EFCAB6: variants seen among roughly 807,000 people sequenced by gnomAD.
EFCAB6 encodes EF-hand calcium binding domain 6.
A neutral mutation model predicts 169.8 loss-of-function variants in EFCAB6; 156 were observed. That is an observed-to-expected ratio of 0.92 (90% confidence interval 0.81 to 1.05). The LOEUF is 1.05. Among genes scored for constraint, EFCAB6 ranks in the 50% least tolerant of loss-of-function variants. The probability of loss-of-function intolerance (pLI) is 0.00; values close to 1 mark genes in which losing one functional copy is unlikely to be tolerated. For missense variants in EFCAB6, 1,800 were observed against 1,829.1 expected, an observed-to-expected ratio of 0.98 and a Z score of 0.29; for synonymous variants, 698 against 676.4, an observed-to-expected ratio of 1.03 and a Z score of -0.50.
intron 23 of EFCAB6, among the ~76,000 whole-genome samples, chr22:43,591,382 G>A (rs2051537231): frequency 6.6e-6 from 1 of 151,160 alleles, no homozygotes; most frequent in African/African-American, 2.4e-5. Context: ...GCTTCAACCC[G>A]GGAGGCAGAG....
At chr22:43,774,821 C>T (rs1255895538) in intron 3 of EFCAB6, among the ~76,000 whole-genome samples, 32 of 151,636 alleles carry the variant, frequency 2.1e-4, no homozygotes, top group Admixed American at 1.9e-3. Flanking sequence ...AGAGCTGCAT[C>T]GGCCAAGAGA....
In EFCAB6 at chr22:43,795,041, A is replaced by G. The variant is rs13056389; in HGVS notation, c.-7-12716T>C. On this transcript the variant is annotated intron_variant, in intron 2 of 31. Coordinates refer to ENST00000262726, the MANE Select transcript of EFCAB6 (RefSeq NM_022785.4). The surrounding 1 kb of genome is among the most constrained non-coding windows in gnomAD (Gnocchi z 4.2). ...CCAAGGAGCTCCCCAGGCCCTGTACAGCCCCTTGCCCTGCCCGAACCTCAT... is the reference window on the plus strand; with the variant it reads ...CCAAGGAGCTCCCCAGGCCCTGTACGGCCCCTTGCCCTGCCCGAACCTCAT... Among the ~76,000 whole-genome samples, 15,452 of 152,212 alleles carry G rather than the reference A, an allele frequency of 0.1. 1,020 individuals carry two copies. The highest frequency in any genetic ancestry group is 0.14 in the Non-Finnish European group (9,676 of 67,980).
intron 8 of EFCAB6, among the ~76,000 whole-genome samples, chr22:43,730,522 T>C (rs2059910770): frequency 6.6e-6 from 1 of 152,004 alleles, no homozygotes; most frequent in African/African-American, 2.4e-5. Flanking sequence ...TTTAAATTTC[T>C]ATTCTTCTGA....
At chr22:43,612,642 A>G (rs2053395325) in intron 21 of EFCAB6, among the ~76,000 whole-genome samples, 1 of 152,230 alleles carries the variant, frequency 6.6e-6, no homozygotes, top group Admixed American at 6.5e-5. Flanking sequence ...CTGTAATTCC[A>G]GCACTTTGGG....
At chr22:43,776,165 G>A (rs1214994922) in intron 3 of EFCAB6, among the ~76,000 whole-genome samples, 1 of 152,236 alleles carries the variant, frequency 6.6e-6, no homozygotes, top group Admixed American at 6.5e-5. Context: ...CTGGAGATAA[G>A]AGAGGCTGGA....
At chr22:43,717,932 C>A (rs1351458105) in intron 8 of EFCAB6, among the ~76,000 whole-genome samples, 1 of 152,110 alleles carries the variant, frequency 6.6e-6, no homozygotes, top group African/African-American at 2.4e-5. Flanking sequence ...AACAAAGATA[C>A]GTGTCTAAAT....
At chr22:43,535,652 T>C (rs929540853) in intron 29 of EFCAB6, 3 of 152,374 alleles carry the variant, frequency 2.0e-5, no homozygotes, top group Admixed American at 2.0e-4. Flanking sequence ...AGGAGGCTTA[T>C]GTAAGATAAG....
intron 31 of EFCAB6, chr22:43,530,516 G>A (rs193247296): frequency 2.5e-5 from 25 of 985,286 alleles, no homozygotes; most frequent in Non-Finnish European, 2.9e-5. Context: ...AGCAGCAGCA[G>A]TGATGGCAGT....
At chr22:43,791,594 T>C (rs1461955804) in intron 2 of EFCAB6, among the ~76,000 whole-genome samples, 1 of 151,814 alleles carries the variant, frequency 6.6e-6, no homozygotes, top group East Asian at 1.9e-4. Flanking sequence ...GAATAAGTTC[T>C]AAGGAGGAGG....
intron 10 of EFCAB6, among the ~76,000 whole-genome samples, chr22:43,698,927 C>T (rs2058672720): frequency 6.6e-6 from 1 of 152,124 alleles, no homozygotes; most frequent in Non-Finnish European, 1.5e-5. Flanking sequence ...CCCTCCATTG[C>T]CTTATACAAA....
intron 8 of EFCAB6, among the ~76,000 whole-genome samples, chr22:43,727,845 C>A (rs1275930229): frequency 6.6e-6 from 1 of 151,440 alleles, no homozygotes; most frequent in African/African-American, 2.4e-5. Context: ...ACAAGCATGG[C>A]TCGTACATCC....
In EFCAB6 at chr22:43,597,556, T is replaced by C. The variant is rs115201105; in HGVS notation, c.2876+2513A>G. Reference sequence around the variant, plus strand: ...AAAACCACAATGAGATATCATCTCATCCCAGTTAGAATAGCCATCATCAAA... The same window carrying C: ...AAAACCACAATGAGATATCATCTCACCCCAGTTAGAATAGCCATCATCAAA... On this transcript the variant is annotated intron_variant, in intron 23 of 31. Transcript: ENST00000262726. Among the ~76,000 whole-genome samples the C allele has an allele frequency of 2.1e-3, 322 of 152,186 alleles. 1 individual carries two copies. Among genetic ancestry groups the C allele is most frequent in the African/African-American group, 7.5e-3 (310 of 41,536 alleles).
At chr22:43,720,986 C>A (rs1307313511) in intron 8 of EFCAB6, among the ~76,000 whole-genome samples, 1 of 152,182 alleles carries the variant, frequency 6.6e-6, no homozygotes, top group Non-Finnish European at 1.5e-5. Flanking sequence ...CCTACAGACT[C>A]TGCCAAAAGG....
chr22:43,648,510 G>A (rs887972950), intron 17 of EFCAB6, among the ~76,000 whole-genome samples: 16 of 152,140 alleles, frequency 1.1e-4, no homozygotes, highest in African/African-American at 3.9e-4. Flanking sequence ...TAAGCATTGA[G>A]TACACAGACA....
rs761169520 is a variant in EFCAB6 at position 43,687,525 on chromosome 22, T to C, written c.1088A>G (p.His363Arg). The C allele has an allele frequency of 2.5e-6, 4 of 1,605,670 alleles. No homozygotes were observed. Among genetic ancestry groups the C allele is most frequent in the Non-Finnish European group, 3.4e-6 (4 of 1,176,880 alleles). Residue 363 changes from histidine (H) to arginine (R), a missense_variant, in exon 11 of 32, where the codon CAT becomes CGT. His to Arg is a conservative substitution (Grantham distance 29, BLOSUM62 0). Coordinates refer to ENST00000262726, the MANE Select transcript of EFCAB6 (RefSeq NM_022785.4). ...INWKQFLTSF[H>R]EPQGLQVSSK... ...GCTAACTTGCAACCCCTGAGGCTCA[T>C]GAAATGATGTTAGAAATTGCTTCCA...
chr22:43,754,691 G>C lies in EFCAB6; in HGVS notation c.507+1075C>G, dbSNP rs529590884. ...TGGGCCATTTACAATCCTGGCCTTT[G>C]TCTGCATCTCCACACTCAAGGTCAT... On this transcript the variant is annotated intron_variant, in intron 6 of 31. Coordinates refer to ENST00000262726, the MANE Select transcript of EFCAB6 (RefSeq NM_022785.4). Among the ~76,000 whole-genome samples, 127 of 152,224 alleles carry C rather than the reference G, an allele frequency of 8.3e-4. 1 individual carries two copies. Among genetic ancestry groups the C allele is most frequent in the African/African-American group, 2.4e-3 (98 of 41,524 alleles).
rs780658904 is a variant in EFCAB6 at position 43,632,132 on chromosome 22, G to A, written c.2205C>T (p.Phe735=). 7.4e-6 allele frequency: 12 copies of A among 1,614,026 alleles called. No homozygotes were observed. Among genetic ancestry groups the A allele is most frequent in the Non-Finnish European group, 1.0e-5 (12 of 1,180,026 alleles). ...FITAEECLKL[F]PRRLKESFRD... ...GGAATGACTCCTTCAGCCTCCTAGG[G>A]AAAAGCTTCAGGCATTCTTCTGCGG... Residue 735 remains phenylalanine (F), a synonymous_variant, in exon 19 of 32, where the codon TTC becomes TTT. Transcript: ENST00000262726.
At chr22:43,791,740 A>G (rs2052447839) in intron 2 of EFCAB6, among the ~76,000 whole-genome samples, 1 of 152,128 alleles carries the variant, frequency 6.6e-6, no homozygotes, top group Non-Finnish European at 1.5e-5. Context: ...TTCCTGAACA[A>G]TTCAGAGGAG....
At chr22:43,722,536 A>AC (rs1271652384) in intron 8 of EFCAB6, among the ~76,000 whole-genome samples, 1 of 151,676 alleles carries the variant, frequency 6.6e-6, no homozygotes, top group Non-Finnish European at 1.5e-5. Context: ...TCTCAAAAAA[A>AC]AAAAAAAGTC....
Sources: gnomAD v4.1 joint callset for allele counts (sites outside exome capture counted in the v4.1 genomes callset) on GRCh38, gnomAD v4.1.1 for gene constraint, Gnocchi (gnomAD v3.1) non-coding constraint, MANE v1.5 for transcripts, NCBI Gene and HGNC (gene_info 2026-07-23, HGNC 2026-07-21) for gene names.